The following IL23R variants were observed in gnomAD, a reference collection of about 807,000 sequenced individuals.
The protein encoded by IL23R is interleukin 23 receptor, also known as interleukin-23 receptor.
Under a neutral mutation model 56.9 loss-of-function variants are expected in IL23R, and 34 were observed. The ratio of observed to expected loss-of-function variants is 0.60; its 90% CI spans 0.45 to 0.80. The LOEUF (loss-of-function observed/expected upper bound fraction) is 0.80. Ranked by LOEUF, IL23R falls within the 30% of genes least tolerant of loss-of-function variation. IL23R has a pLI of 0.00. For synonymous variants in IL23R, 230 were observed against 249.2 expected (o/e 0.92, Z 0.73); for missense variants, 635 against 730.0 (o/e 0.87, Z 1.50).
chr1:67,162,214 C>T (rs1415895727), upstream of IL23R, among the ~76,000 whole-genome samples: 1 of 151,714 alleles, frequency 6.6e-6, no homozygotes, highest in Non-Finnish European at 1.5e-5. Flanking sequence ...TCCTGTAATC[C>T]CAGCACTTTG....
chr1:67,234,707 C>CTTTTT (rs5774860), intron 7 of IL23R, among the ~76,000 whole-genome samples: 57 of 117,550 alleles, frequency 4.8e-4, no homozygotes, highest in Non-Finnish European at 7.0e-4. Context: ...TATTTTTACT[C>CTTTTT]TTTTTTTTTT....
intron 4 of IL23R, among the ~76,000 whole-genome samples, chr1:67,188,569 C>T (rs557076068): frequency 1.3e-5 from 2 of 152,282 alleles, no homozygotes; most frequent in South Asian, 2.1e-4. Flanking sequence ...ATAGGAAATG[C>T]TTAGAATTAA....
chr1:67,220,734 G>T (rs1650183798), intron 7 of IL23R, among the ~76,000 whole-genome samples: 2 of 152,138 alleles, frequency 1.3e-5, no homozygotes, highest in Non-Finnish European at 2.9e-5. Context: ...ACCCAGGCAT[G>T]GTGGCCCACG....
intron 1 of IL23R, among the ~76,000 whole-genome samples, chr1:67,145,523 T>TA (rs1646672252): frequency 6.6e-6 from 1 of 152,216 alleles, no homozygotes; most frequent in East Asian, 1.9e-4. Flanking sequence ...CTGGTCCTCA[T>TA]ACCATTGCAT....
chr1:67,232,089 CA>C (rs1651131525), intron 7 of IL23R, among the ~76,000 whole-genome samples: 1 of 152,048 alleles, frequency 6.6e-6, no homozygotes, highest in Admixed American at 6.6e-5. Context: ...ACTAGGCTAC[CA>C]ACATACACAA....
rs11465789 is a variant in IL23R, at chr1:67,183,615, C to T, written c.491+656C>T. Among the ~76,000 whole-genome samples the T allele has an allele frequency of 3.2e-3, 489 of 152,232 alleles. 5 individuals are homozygous for T. Among genetic ancestry groups the T allele is most frequent in the African/African-American group, 0.011 (462 of 41,534 alleles). ...TAGGGTTTCAACAACTTAATTTCCCCGAATTGCTATTATTTTTAATCTTTA... is the reference window on the plus strand; with the variant it reads ...TAGGGTTTCAACAACTTAATTTCCCTGAATTGCTATTATTTTTAATCTTTA... On this transcript the variant is annotated intron_variant, in intron 4 of 10. Coordinates refer to ENST00000347310, the MANE Select transcript of IL23R (RefSeq NM_144701.3).
chr1:67,175,915 C>T (rs1647002086), intron 3 of IL23R, among the ~76,000 whole-genome samples: 1 of 152,170 alleles, frequency 6.6e-6, no homozygotes, highest in Admixed American at 6.6e-5. Flanking sequence ...GCCTCAAACT[C>T]CTAGGCTCCA....
At chr1:67,215,410 C>CT (rs988600303) in intron 6 of IL23R, among the ~76,000 whole-genome samples, 4 of 152,226 alleles carry the variant, frequency 2.6e-5, no homozygotes, top group African/African-American at 7.2e-5. Flanking sequence ...TCCTGGTCCT[C>CT]TTTCTGCCAT....
chr1:67,163,974 A>C (rs926051680), upstream of IL23R, among the ~76,000 whole-genome samples: 3 of 152,224 alleles, frequency 2.0e-5, no homozygotes, highest in African/African-American at 7.2e-5. Context: ...TTTAGATATG[A>C]CACTGAAAAA....
At chr1:67,253,526 G>A (rs1232420217) in intron 9 of IL23R, among the ~76,000 whole-genome samples, 1 of 152,098 alleles carries the variant, frequency 6.6e-6, no homozygotes, top group Non-Finnish European at 1.5e-5. Flanking sequence ...ATAATCAAGT[G>A]CAGTAGAAAG....
At chr1:67,159,646 T>A (rs1438700592) in intron 1 of IL23R, among the ~76,000 whole-genome samples, 1 of 152,186 alleles carries the variant, frequency 6.6e-6, no homozygotes, top group Non-Finnish European at 1.5e-5. Flanking sequence ...TTGTGGTCCC[T>A]ACTTGGGAGG....
At chr1:67,234,584 A>T (rs1651336352) in intron 7 of IL23R, among the ~76,000 whole-genome samples, 1 of 152,242 alleles carries the variant, frequency 6.6e-6, no homozygotes. Context: ...ATTACTTTTA[A>T]ATTAAAAATG....
intron 8 of IL23R, among the ~76,000 whole-genome samples, chr1:67,239,063 A>C (rs1317668412): frequency 2.6e-5 from 4 of 152,188 alleles, no homozygotes; most frequent in Non-Finnish European, 1.5e-5. Context: ...CCAATACCCA[A>C]CATGGCTCTA....
chr1:67,142,706 C>T (rs1646649090), intron 1 of IL23R, among the ~76,000 whole-genome samples: 1 of 152,264 alleles, frequency 6.6e-6, no homozygotes, highest in Non-Finnish European at 1.5e-5. Flanking sequence ...GCTGGGACCA[C>T]AGGTGTGTGC....
chr1:67,168,889 G>A (rs11465773), intron 2 of IL23R, among the ~76,000 whole-genome samples: 3,166 of 152,248 alleles, frequency 0.021, 99 homozygotes, highest in African/African-American at 0.072. Flanking sequence ...GCCAGACGAG[G>A]TGGCTAATGC....
At chr1:67,195,083 A>C (rs935262214) in intron 4 of IL23R, among the ~76,000 whole-genome samples, 1 of 152,230 alleles carries the variant, frequency 6.6e-6, no homozygotes, top group Admixed American at 6.5e-5. Context: ...TCTGTCATCC[A>C]GGCTGGAGTG....
At chr1:67,227,119 G>A (rs543953865) in intron 7 of IL23R, among the ~76,000 whole-genome samples, 51 of 152,254 alleles carry the variant, frequency 3.3e-4, no homozygotes, top group African/African-American at 8.4e-4. Context: ...TCAGCAGTGC[G>A]GAAAGAGCCC....
intron 1 of IL23R, among the ~76,000 whole-genome samples, chr1:67,145,310 G>T (rs1646669701): frequency 6.6e-6 from 1 of 152,124 alleles, no homozygotes; most frequent in African/African-American, 2.4e-5. Context: ...TTGTGCCACT[G>T]CCCTCCAGCC....
At chr1:67,177,079 C>T (rs562087022) in intron 3 of IL23R, among the ~76,000 whole-genome samples, 42 of 152,240 alleles carry the variant, frequency 2.8e-4, no homozygotes, top group African/African-American at 9.6e-4. Context: ...AATAAACATA[C>T]GTGTGCATGT....
Sources: gnomAD v4.1 joint callset for allele counts (sites outside exome capture counted in the v4.1 genomes callset) on GRCh38, gnomAD v4.1.1 for gene constraint, MANE v1.5 for transcripts, NCBI Gene and HGNC (gene_info 2026-07-23, HGNC 2026-07-21) for gene names.